AUH: variants seen among roughly 807,000 people sequenced by gnomAD.
AUH encodes AU RNA binding methylglutaconyl-CoA hydratase.
In AUH, 29 loss-of-function variants were observed where a neutral mutation model predicts 42.3. The observed-to-expected ratio is 0.69, with a 90% CI of 0.51 to 0.93. AUH has a LOEUF of 0.93. Among genes scored for constraint, AUH ranks in the 40% least tolerant of loss-of-function variants. AUH has a pLI of 0.00. For missense variants in AUH, 452 were observed against 438.1 expected, an observed-to-expected ratio of 1.03 and a Z score of -0.28; for synonymous variants, 174 against 166.4, an observed-to-expected ratio of 1.05 and a Z score of -0.35.
At chr9:91,360,120 C>G (rs1832740250) in intron 1 of AUH, among the ~76,000 whole-genome samples, 1 of 152,112 alleles carries the variant, frequency 6.6e-6, no homozygotes, top group Admixed American at 6.5e-5. Flanking sequence ...AAAGTCTGTC[C>G]AGACATTCTG....
intron 4 of AUH, among the ~76,000 whole-genome samples, chr9:91,322,290 T>G (rs1302395430): frequency 6.6e-6 from 1 of 152,112 alleles, no homozygotes; most frequent in Non-Finnish European, 1.5e-5. Context: ...ATTTGAACAA[T>G]GAAACCAATC....
rs1416773443 is a variant in AUH at position 91,334,314 on chromosome 9, T to C, written c.419-8910A>G. Reference sequence around the variant, plus strand: ...TAAGGGTCCTTCTGGATGACTAGCATTTGAATTCGTGAACTGCAAAGAAGC... The same window carrying C: ...TAAGGGTCCTTCTGGATGACTAGCACTTGAATTCGTGAACTGCAAAGAAGC... On this transcript the variant is annotated intron_variant, in intron 3 of 9. Transcript: ENST00000375731. Among the ~76,000 whole-genome samples the C allele has an allele frequency of 3.9e-5, 6 of 152,298 alleles. No homozygotes were observed. The East Asian group carries it at 1.2e-3, about 29-fold the overall frequency.
In AUH at chr9:91,332,082, A is replaced by G. The variant is rs115049689; in HGVS notation, c.419-6678T>C. 3.7e-3 allele frequency among the ~76,000 whole-genome samples: 568 copies of G among 152,364 alleles called. 6 individuals carry two copies. Among genetic ancestry groups the G allele is most frequent in the African/African-American group, 0.013 (543 of 41,584 alleles). On this transcript the variant is annotated intron_variant, in intron 3 of 9. Coordinates refer to ENST00000375731, the MANE Select transcript of AUH (RefSeq NM_001698.3). ...TTTTCATCTAAGTTTAAGTAGTTTGAAAGATTTCAATGTACTATGAACACT... is the reference window on the plus strand; with the variant it reads ...TTTTCATCTAAGTTTAAGTAGTTTGGAAGATTTCAATGTACTATGAACACT...
At chr9:91,276,613 A>G (rs1825564908) in intron 6 of AUH, among the ~76,000 whole-genome samples, 1 of 152,178 alleles carries the variant, frequency 6.6e-6, no homozygotes, top group Non-Finnish European at 1.5e-5. Context: ...TTACTGACTC[A>G]CTTTGCAGCG....
chr9:91,291,080 C>T (rs933095046), intron 6 of AUH, among the ~76,000 whole-genome samples: 2 of 152,130 alleles, frequency 1.3e-5, no homozygotes, highest in Middle Eastern at 3.2e-3. Context: ...CATGGCTTCC[C>T]GTGGCTGCCG....
chr9:91,231,583 A>G lies in AUH; in HGVS notation c.656-10591T>C, dbSNP rs76440471. 9.0e-3 allele frequency among the ~76,000 whole-genome samples: 1,374 copies of G among 152,312 alleles called. 10 individuals are homozygous for G. The highest frequency in any genetic ancestry group is 0.014 in the Non-Finnish European group (979 of 68,010). On this transcript the variant is annotated intron_variant, in intron 6 of 9. Coordinates refer to ENST00000375731, the MANE Select transcript of AUH (RefSeq NM_001698.3). ...TTCGGTCATCTAAAGTGCCACTTCT[A>G]AACAGTCTTGGTGACTGATGACATT...
In AUH at chr9:91,214,339, CTG is replaced by C. The variant is rs1564001169; in HGVS notation, c.*7_*8del. 1.3e-6 allele frequency: 2 copies of C among 1,598,304 alleles called. No individual in the cohort carries two copies. The highest frequency in any genetic ancestry group is 1.1e-5 in the South Asian group (1 of 89,942). ...TATTACATTGGCATCTTAAGAATTTCTGTTCCTTTTATTCTCCTTTATAGCGA... is the reference window on the plus strand; with the variant it reads ...TATTACATTGGCATCTTAAGAATTTCTTCCTTTTATTCTCCTTTATAGCGA... On this transcript the variant is annotated 3_prime_UTR_variant, in exon 10 of 10. Transcript: ENST00000375731.
chr9:91,286,452 T>TA (rs1229153063), intron 6 of AUH, among the ~76,000 whole-genome samples: 1 of 152,156 alleles, frequency 6.6e-6, no homozygotes, highest in African/African-American at 2.4e-5. Context: ...CAGCCAATGG[T>TA]AATTACTATA....
At chr9:91,302,822 C>T (rs763069808) in intron 4 of AUH, among the ~76,000 whole-genome samples, 1 of 152,080 alleles carries the variant, frequency 6.6e-6, no homozygotes, top group East Asian at 1.9e-4. Flanking sequence ...ATAAAATACA[C>T]CTTTAGAAAG....
intron 4 of AUH, among the ~76,000 whole-genome samples, chr9:91,311,136 G>A (rs1487232704): frequency 1.3e-5 from 2 of 152,068 alleles, no homozygotes; most frequent in Admixed American, 6.5e-5. Flanking sequence ...ATTTCAAAGA[G>A]AGAGCTTTTT....
intron 6 of AUH, among the ~76,000 whole-genome samples, chr9:91,257,373 A>G (rs1829460752): frequency 6.6e-6 from 1 of 152,056 alleles, no homozygotes; most frequent in African/African-American, 2.4e-5. Context: ...GGTGGCACCA[A>G]CAGAAACCAT....
At chr9:91,252,482 T>C (rs1250588119) in intron 6 of AUH, among the ~76,000 whole-genome samples, 1 of 152,154 alleles carries the variant, frequency 6.6e-6, no homozygotes, top group Non-Finnish European at 1.5e-5. Context: ...GCCATCACCC[T>C]CATTTTGCAG....
chr9:91,265,510 G>A (rs1252753812), intron 6 of AUH, among the ~76,000 whole-genome samples: 1 of 152,056 alleles, frequency 6.6e-6, no homozygotes, highest in African/African-American at 2.4e-5. Flanking sequence ...TGTTCTTTAA[G>A]ATAGTAACAC....
intron 4 of AUH, among the ~76,000 whole-genome samples, chr9:91,316,120 T>A (rs1441712386): frequency 6.6e-6 from 1 of 152,236 alleles, no homozygotes; most frequent in Non-Finnish European, 1.5e-5. Context: ...CTTTTTGCTA[T>A]TAACAATGTT....
intron 1 of AUH, among the ~76,000 whole-genome samples, chr9:91,360,671 T>C (rs1327119376): frequency 1.3e-5 from 2 of 152,228 alleles, no homozygotes; most frequent in African/African-American, 2.4e-5. Flanking sequence ...GGCGAAACCC[T>C]GCAGGTATTA....
At chr9:91,224,451 TA>T (rs2131240249) in intron 6 of AUH, among the ~76,000 whole-genome samples, 1 of 152,352 alleles carries the variant, frequency 6.6e-6, no homozygotes, top group South Asian at 2.1e-4. Flanking sequence ...TAAAAGTCTT[TA>T]ATTTTGGTCC....
chr9:91,217,285 CTTGA>C lies in AUH; in HGVS notation c.882_885del (p.Asn294LysfsTer7), dbSNP rs1826876005. 5 of 1,613,704 alleles carry C rather than the reference CTTGA, an allele frequency of 3.1e-6. No homozygotes were observed. Among genetic ancestry groups the C allele is most frequent in the Non-Finnish European group, 4.2e-6 (5 of 1,179,806 alleles). On this transcript the variant is annotated frameshift_variant, in exon 8 of 10. Coordinates refer to ENST00000375731, the MANE Select transcript of AUH (RefSeq NM_001698.3). LOFTEE classifies it high-confidence loss of function. ...AGCATTAAGGAACCTACCTCCATCC[CTTGA>C]TTAATTGCTAATTTTGCCACTCTCA...
chr9:91,254,943 A>G (rs753939653), intron 6 of AUH, among the ~76,000 whole-genome samples: 5 of 152,168 alleles, frequency 3.3e-5, no homozygotes, highest in Admixed American at 1.3e-4. Flanking sequence ...AATAATTCCT[A>G]CCCCAGGACC....
intron 6 of AUH, among the ~76,000 whole-genome samples, chr9:91,242,188 G>A (rs1303863104): frequency 1.3e-5 from 2 of 152,172 alleles, no homozygotes; most frequent in Non-Finnish European, 2.9e-5. Context: ...CTATCTGAGA[G>A]GTGACGTCCC....
Sources: gnomAD v4.1 joint callset for allele counts (sites outside exome capture counted in the v4.1 genomes callset) on GRCh38, gnomAD v4.1.1 for gene constraint, MANE v1.5 for transcripts, NCBI Gene and HGNC (gene_info 2026-07-23, HGNC 2026-07-21) for gene names.